The following PIGN variants were observed in gnomAD, a reference collection of about 807,000 sequenced individuals.
PIGN encodes the protein GPI ethanolamine phosphate transferase 1.
Under a neutral mutation model 125.4 loss-of-function variants are expected in PIGN, and 117 were observed. The observed-to-expected ratio is 0.93, with a 90% CI of 0.80 to 1.09. PIGN has a LOEUF of 1.09. Among genes scored for constraint, PIGN ranks in the 50% least tolerant of loss-of-function variants. PIGN has a pLI of 0.00. For missense variants in PIGN, 1,075 were observed against 1,094.9 expected, an observed-to-expected ratio of 0.98 and a Z score of 0.26; for synonymous variants, 392 against 377.8, an observed-to-expected ratio of 1.04 and a Z score of -0.44.
At chr18:62,167,877 T>TA (rs1032610100) in intron 1 of PIGN, among the ~76,000 whole-genome samples, 2 of 151,932 alleles carry the variant, frequency 1.3e-5, no homozygotes, top group African/African-American at 2.4e-5. Flanking sequence ...ACGGTGTATA[T>TA]AAAAAAACAG....
intron 23 of PIGN, among the ~76,000 whole-genome samples, chr18:62,026,020 G>A (rs1035835430): frequency 1.3e-5 from 2 of 152,148 alleles, no homozygotes; most frequent in Admixed American, 6.5e-5. Flanking sequence ...CCTGCACCTT[G>A]TCGGAAGTTA....
At chr18:62,098,367 C>T (rs1346014313) in intron 22 of PIGN, among the ~76,000 whole-genome samples, 7 of 152,126 alleles carry the variant, frequency 4.6e-5, no homozygotes, top group Admixed American at 4.6e-4. Context: ...GAAGGAATAA[C>T]ATTTCAATAT....
rs374735293 is a variant in PIGN, at chr18:62,113,199, A to C, written c.1369T>G (p.Tyr457Asp). ...VVIGFVGWIS[Y>D]ASLLIIKSHS... The stretch of plus-strand genomic sequence containing the variant: ...GACTTGATGATCAACAAAGAGGCAT[A>C]AGATATCCATCCCACAAAACCAATA... Residue 457 changes from tyrosine (Y) to aspartate (D), a missense_variant, in exon 16 of 31, where the codon TAT (tyrosine) becomes GAT (aspartate). Physicochemically the swap from Tyr to Asp is radical, Grantham distance 160. Coordinates refer to ENST00000640252, the MANE Select transcript of PIGN (RefSeq NM_176787.5). 3.3e-5 allele frequency: 53 copies of C among 1,612,856 alleles called. No individual in the cohort carries two copies. The highest frequency in any genetic ancestry group is 4.4e-5 in the Non-Finnish European group (52 of 1,179,372).
chr18:62,033,079 A>C (rs898138555), intron 23 of PIGN, among the ~76,000 whole-genome samples: 7 of 152,234 alleles, frequency 4.6e-5, no homozygotes, highest in African/African-American at 1.7e-4. Flanking sequence ...AGCCAAGGGG[A>C]CCTGCAAGGA....
At chr18:62,087,021 C>A (rs1354707910) in intron 25 of PIGN, among the ~76,000 whole-genome samples, 2 of 152,004 alleles carry the variant, frequency 1.3e-5, no homozygotes, top group African/African-American at 4.8e-5. Flanking sequence ...TTTGGTGATG[C>A]CCAGCAGAAT....
At chr18:62,141,484 C>T (rs1255480957) in intron 11 of PIGN, among the ~76,000 whole-genome samples, 2 of 152,174 alleles carry the variant, frequency 1.3e-5, no homozygotes, top group African/African-American at 2.4e-5. Flanking sequence ...CAGATACGTT[C>T]GCTAGTCCCT....
chr18:62,138,365 T>G, intron 13 of PIGN, 67 bp from the exon 14 acceptor site: 10 of 1,491,860 alleles, frequency 6.7e-6, no homozygotes, highest in Non-Finnish European at 9.0e-6. Context: ...AATATAAACA[T>G]CCATTAAAAT....
At position 62,106,978 on chromosome 18, in the gene PIGN, T is replaced by C. The variant is rs935338281; in HGVS notation, c.1674+8A>G. 5.8e-6 allele frequency: 9 copies of C among 1,563,950 alleles called. No homozygotes were observed. Among genetic ancestry groups the C allele is most frequent in the Admixed American group, 3.7e-5 (2 of 54,510 alleles). On this transcript the variant is annotated splice_region_variant and intron_variant, in intron 18 of 30. Transcript: ENST00000640252. ...TTTGCAAATGTTGTAATCTGGTAAGTTACTTACTAATACTTCAATTCCCAG... is the reference window on the plus strand; with the variant it reads ...TTTGCAAATGTTGTAATCTGGTAAGCTACTTACTAATACTTCAATTCCCAG...
At chr18:62,129,101 G>A (rs992829521) in intron 14 of PIGN, among the ~76,000 whole-genome samples, 2 of 151,968 alleles carry the variant, frequency 1.3e-5, no homozygotes, top group Admixed American at 6.6e-5. Context: ...CCTCAGTGGC[G>A]TGCTGAGGGC....
At chr18:62,123,622 T>A (rs985627090) in intron 14 of PIGN, 1 of 152,148 alleles carries the variant, frequency 6.6e-6, no homozygotes, top group Non-Finnish European at 1.5e-5. Context: ...TCCAATTCAT[T>A]TCACCTTTTG....
At chr18:62,146,934 T>C (rs2147285713) in intron 9 of PIGN, 37 bp downstream of exon 9, 1 of 1,595,938 alleles carries the variant, frequency 6.3e-7, no homozygotes, top group Non-Finnish European at 8.6e-7. Flanking sequence ...ATCACTACTT[T>C]AATTGTAAGG....
At chr18:62,078,284 C>T (rs1337775638) in intron 28 of PIGN, among the ~76,000 whole-genome samples, 2 of 152,124 alleles carry the variant, frequency 1.3e-5, no homozygotes, top group Non-Finnish European at 2.9e-5. Context: ...GAATACGATC[C>T]CTGAACTAAG....
intron 1 of PIGN, among the ~76,000 whole-genome samples, chr18:62,165,501 A>G (rs567492891): frequency 1.2e-4 from 18 of 152,348 alleles, no homozygotes; most frequent in Non-Finnish European, 2.4e-4. Flanking sequence ...GAAGGAAAAG[A>G]TTTCCTTACA....
intron 17 of PIGN, among the ~76,000 whole-genome samples, chr18:62,108,669 C>G (rs1488626830): frequency 6.6e-6 from 1 of 152,010 alleles, no homozygotes; most frequent in Non-Finnish European, 1.5e-5. Context: ...TGGCTCACTG[C>G]AACCTCCACC....
intron 14 of PIGN, among the ~76,000 whole-genome samples, chr18:62,118,160 A>G (rs1568194793): frequency 6.6e-6 from 1 of 152,186 alleles, no homozygotes; most frequent in South Asian, 2.1e-4. Flanking sequence ...GATACATAAT[A>G]AACTGCAACT....
At chr18:62,061,967 T>G (rs934098513) in intron 30 of PIGN, among the ~76,000 whole-genome samples, 1 of 152,200 alleles carries the variant, frequency 6.6e-6, no homozygotes, top group Non-Finnish European at 1.5e-5. Flanking sequence ...ATAAACTAGA[T>G]GTTTATGAAG....
At chr18:62,058,209 A>C (rs2031866024) in intron 30 of PIGN, among the ~76,000 whole-genome samples, 1 of 152,012 alleles carries the variant, frequency 6.6e-6, no homozygotes, top group African/African-American at 2.4e-5. Context: ...CCTTTTTCCT[A>C]TCTCTCTTCT....
chr18:62,084,852 A>ATGG (rs2033619910), intron 26 of PIGN, among the ~76,000 whole-genome samples: 2 of 152,344 alleles, frequency 1.3e-5, no homozygotes, highest in Admixed American at 1.3e-4. Flanking sequence ...TCACGCCTGT[A>ATGG]ATCCCAGCAC....
At chr18:62,076,869 A>G (rs2033199077) in intron 28 of PIGN, among the ~76,000 whole-genome samples, 1 of 152,228 alleles carries the variant, frequency 6.6e-6, no homozygotes, top group Non-Finnish European at 1.5e-5. Flanking sequence ...ATGGTCATCC[A>G]GTACAACCTT....
Sources: gnomAD v4.1 joint callset for allele counts (sites outside exome capture counted in the v4.1 genomes callset) on GRCh38, gnomAD v4.1.1 for gene constraint, MANE v1.5 for transcripts, NCBI Gene and HGNC (gene_info 2026-07-23, HGNC 2026-07-21) for gene names.